Variants in TARBP1 observed in about 807,000 individuals in gnomAD.
TARBP1 encodes the protein tRNA guanosine 2 -O-methyltransferase TARBP1.
A neutral mutation model predicts 178.6 loss-of-function variants in TARBP1; 144 were observed. The ratio of observed to expected loss-of-function variants is 0.81; its 90% CI spans 0.70 to 0.93. The LOEUF (loss-of-function observed/expected upper bound fraction) is 0.93. Ranked by LOEUF, TARBP1 falls within the 40% of genes least tolerant of loss-of-function variation. The pLI, the probability that TARBP1 is intolerant of heterozygous loss-of-function variation, is 0.00. For missense variants in TARBP1, 2,067 were observed against 2,011.7 expected (o/e 1.03, Z -0.53); for synonymous variants, 787 against 781.0 (o/e 1.01, Z -0.13).
At chr1:234,414,857 A>T (rs1360541026) in intron 22 of TARBP1, among the ~76,000 whole-genome samples, 1 of 152,062 alleles carries the variant, frequency 6.6e-6, no homozygotes, top group African/African-American at 2.4e-5. Context: ...GGTGGTGCAC[A>T]CCTGTAGTCC....
At chr1:234,425,465 C>T (rs778892090) in intron 20 of TARBP1, among the ~76,000 whole-genome samples, 3 of 152,120 alleles carry the variant, frequency 2.0e-5, no homozygotes, top group Non-Finnish European at 2.9e-5. Context: ...AGCAATTCTG[C>T]TGCCTCAGCC....
At position 234,393,460 on chromosome 1, in the gene TARBP1, C is replaced by T; in HGVS notation, c.4462G>A (p.Gly1488Arg). Residue 1488 changes from glycine to arginine, a missense_variant, in exon 28 of 30, where the codon GGG becomes AGG. By Grantham distance (125) the Gly-to-Arg change is moderately radical (BLOSUM62 -2). Transcript: ENST00000040877. Reference protein sequence around the residue: ...GGLCRTCEVFGASVLVVGSLQ... With the variant: ...GGLCRTCEVFRASVLVVGSLQ... ...CTGCCAACAACGAGCACTGAAGCCC[C>T]AAATACCTCACAGGTCCTGCACAGT... 6.2e-7 allele frequency: 1 copy of T among 1,607,220 alleles called. No homozygotes were observed. The highest frequency in any genetic ancestry group is 1.1e-5 in the South Asian group (1 of 90,330).
At chr1:234,402,022 C>A (rs1660721332) in intron 24 of TARBP1, among the ~76,000 whole-genome samples, 1 of 152,222 alleles carries the variant, frequency 6.6e-6, no homozygotes, top group Non-Finnish European at 1.5e-5. Flanking sequence ...CCTATCTCCC[C>A]CAACTTCCGC....
intron 20 of TARBP1, among the ~76,000 whole-genome samples, chr1:234,423,404 CTTT>C (rs1295475658): frequency 2.0e-5 from 3 of 152,180 alleles, no homozygotes; most frequent in Non-Finnish European, 2.9e-5. Flanking sequence ...AAAGCCCCTT[CTTT>C]AACTCCAGGT....
At chr1:234,434,146 A>T (rs1273739151) in intron 13 of TARBP1, among the ~76,000 whole-genome samples, 1 of 152,166 alleles carries the variant, frequency 6.6e-6, no homozygotes, top group African/African-American at 2.4e-5. Flanking sequence ...AGATCTCATA[A>T]TTCAGGTGGG....
At chr1:234,395,637 C>G (rs1346212495) in intron 26 of TARBP1, among the ~76,000 whole-genome samples, 1 of 152,150 alleles carries the variant, frequency 6.6e-6, no homozygotes, top group Non-Finnish European at 1.5e-5. Flanking sequence ...GTGCTAATGT[C>G]CAGTCTGTTC....
In TARBP1 at chr1:234,478,961, G is replaced by C. The variant is rs1669866414; in HGVS notation, c.143C>G (p.Ala48Gly). 6.8e-7 allele frequency: 1 copy of C among 1,464,258 alleles called. No homozygotes were observed. Among genetic ancestry groups the C allele is most frequent in the Non-Finnish European group, 9.0e-7 (1 of 1,116,822 alleles). 90.7% of individuals were successfully genotyped at this position (1,464,258 alleles called of 1,614,324 possible). A position where few individuals can be genotyped will look rare whatever the true frequency, so the allele number is the denominator to read the frequency against. ...FLLQRLEDEE[A>G]RGSGGAGALP... ...CGCGCCTGCGCCCCCGCTGCCGCGC[G>C]CCTCCTCGTCCTCGAGCCGCTGCAG... is the stretch of plus-strand genomic sequence containing the variant. The change falls in exon 1 of 30, where the codon GCG (alanine) becomes GGG (glycine). Residue 48 changes from alanine (A) to glycine (G), a missense_variant. Ala to Gly is a moderately conservative substitution (Grantham distance 60). Coordinates refer to ENST00000040877, the MANE Select transcript of TARBP1 (RefSeq NM_005646.4).
intron 21 of TARBP1, 77 bp from the exon 22 acceptor site, chr1:234,418,310 T>C (rs998240290): frequency 1.8e-4 from 231 of 1,304,854 alleles, no homozygotes; most frequent in Non-Finnish European, 2.2e-4. Flanking sequence ...TAAAATAAAA[T>C]AGCTTAAAGT....
intron 19 of TARBP1, among the ~76,000 whole-genome samples, chr1:234,427,027 G>A (rs1048155802): frequency 3.3e-5 from 5 of 152,044 alleles, no homozygotes; most frequent in African/African-American, 1.2e-4. Flanking sequence ...TCCCATCCCC[G>A]CAAAAGAAAG....
intron 5 of TARBP1, among the ~76,000 whole-genome samples, chr1:234,465,028 T>C (rs1048576453): frequency 1.6e-4 from 25 of 151,988 alleles, no homozygotes; most frequent in African/African-American, 5.8e-4. Context: ...CTGGACGTCC[T>C]GGTGTGAATT....
chr1:234,394,416 G>A (rs1659708765), intron 26 of TARBP1, among the ~76,000 whole-genome samples: 1 of 152,172 alleles, frequency 6.6e-6, no homozygotes, highest in Non-Finnish European at 1.5e-5. Context: ...TGTAGTACAG[G>A]ACTGAGACTC....
rs140244260 is a variant in TARBP1 at position 234,420,733 on chromosome 1, G to A, written c.3524C>T (p.Thr1175Ile). ...QHRVKNRVWQ[T>I]LLVLFPRLDQ... ...AAGTCTAGGGAAAAGTACCAGCAGA[G>A]TCTGCCACACTCGGTTTTTCACTCT... The change falls in exon 21 of 30, where the codon ACT becomes ATT. Residue 1175 changes from threonine (T) to isoleucine (I), a missense_variant. Thr to Ile is a moderately conservative substitution (Grantham distance 89). Transcript: ENST00000040877. The A allele has an allele frequency of 2.0e-4, 325 of 1,612,604 alleles. 10 individuals are homozygous for A. Among genetic ancestry groups the A allele is most frequent in the East Asian group, 1.9e-3 (83 of 44,754 alleles).
chr1:234,463,021 T>C (rs974979287), intron 6 of TARBP1, among the ~76,000 whole-genome samples: 4 of 152,248 alleles, frequency 2.6e-5, no homozygotes, highest in Admixed American at 6.5e-5. Context: ...ACAGTGCTTT[T>C]GTGCTGTGCT....
In TARBP1 at chr1:234,460,348, C is replaced by T. The variant is rs769107699; in HGVS notation, c.1448G>A (p.Cys483Tyr). The T allele has an allele frequency of 1.2e-6, 2 of 1,614,198 alleles. No homozygotes were observed. The highest frequency in any genetic ancestry group is 1.7e-6 in the Non-Finnish European group (2 of 1,180,020). The change falls in exon 7 of 30, where the codon TGT (cysteine) becomes TAT (tyrosine). Residue 483 changes from cysteine to tyrosine, a missense_variant. By Grantham distance (194) the Cys-to-Tyr change is radical. Coordinates refer to ENST00000040877, the MANE Select transcript of TARBP1 (RefSeq NM_005646.4). ...FIRKMTSRHW[C>Y]AVPILFLSKA... is the part of the protein sequence containing the mutation. ...AGATAGAAACAAAATGGGAACAGCACACCAATGCCTACTTGTCATCTTCCG... is the reference window on the plus strand; with the variant it reads ...AGATAGAAACAAAATGGGAACAGCATACCAATGCCTACTTGTCATCTTCCG...
chr1:234,402,702 G>A (rs1009645630), intron 24 of TARBP1, among the ~76,000 whole-genome samples: 4 of 151,940 alleles, frequency 2.6e-5, no homozygotes, highest in Non-Finnish European at 4.4e-5. Flanking sequence ...AGCCTCCCGA[G>A]GTGCTGGGAC....
intron 26 of TARBP1, 127 bp from the exon 27 acceptor site, chr1:234,393,964 T>C (rs925255187): frequency 2.7e-5 from 21 of 775,594 alleles, no homozygotes; most frequent in Non-Finnish European, 3.4e-5. Flanking sequence ...GAATGAGACT[T>C]AACAAAGCAT....
At position 234,471,204 on chromosome 1, in the gene TARBP1, C is replaced by T. The variant is rs755183503; in HGVS notation, c.1083G>A (p.Ala361=). The T allele has an allele frequency of 2.1e-5, 34 of 1,597,340 alleles. No homozygotes were observed. In the South Asian group the frequency reaches 3.4e-4, roughly 16 times the overall value. The change falls in exon 3 of 30, where the codon GCG becomes GCA. Residue 361 remains alanine (A), a synonymous_variant. Coordinates refer to ENST00000040877, the MANE Select transcript of TARBP1 (RefSeq NM_005646.4). The stretch of plus-strand genomic sequence containing the variant: ...AATCGTTACCATTTTCCTCTGACAC[C>T]GCATATTCAAACAGATTGTTTAGCT... ...LPKLNNLFEY[A]VSEENGCWLF... is the part of the protein sequence containing the mutation.
At chr1:234,458,281 T>C (rs1572377863) in intron 8 of TARBP1, among the ~76,000 whole-genome samples, 1 of 152,020 alleles carries the variant, frequency 6.6e-6, no homozygotes, top group African/African-American at 2.4e-5. Flanking sequence ...GAGGTGGAGG[T>C]TGCAGTGAGC....
intron 23 of TARBP1, chr1:234,407,526 G>C (rs955325019): frequency 2.0e-5 from 3 of 151,884 alleles, no homozygotes; most frequent in Non-Finnish European, 2.9e-5. Context: ...TAGTAGAGAC[G>C]GGGTTTCACC....
Sources: allele counts gnomAD v4.1 joint callset (sites outside exome capture counted in the v4.1 genomes callset), GRCh38; gene constraint gnomAD v4.1.1; transcripts MANE v1.5; gene names NCBI Gene and HGNC (gene_info 2026-07-23, HGNC 2026-07-21).